The following FBXO4 variants were observed in gnomAD, a reference collection of about 807,000 sequenced individuals.
FBXO4 encodes the protein F-box only protein 4.
A neutral mutation model predicts 43.7 loss-of-function variants in FBXO4; 36 were observed. That is an observed-to-expected ratio of 0.82 (90% CI 0.63 to 1.09). FBXO4 has a LOEUF of 1.09. FBXO4 is among the 50% of genes least tolerant of loss of function. The pLI is 0.00. For synonymous variants in FBXO4, 180 were observed against 165.6 expected, an observed-to-expected ratio of 1.09 and a Z score of -0.67; for missense variants, 435 against 474.1, an observed-to-expected ratio of 0.92 and a Z score of 0.77.
At chr5:41,988,710 G>A in the FBXO4 span, among the ~76,000 whole-genome samples, 2 of 152,098 alleles carry the variant, frequency 1.3e-5, no homozygotes, top group Admixed American at 1.3e-4. Flanking sequence ...GGGTGTAGCA[G>A]TTTGCTCTAT....
At chr5:42,020,333 T>C in the FBXO4 span, among the ~76,000 whole-genome samples, 1 of 152,180 alleles carries the variant, frequency 6.6e-6, no homozygotes, top group South Asian at 2.1e-4. Flanking sequence ...TTATTTAACA[T>C]TTATTCAACA....
At chr5:41,956,647 AT>A in the FBXO4 span, among the ~76,000 whole-genome samples, 1 of 143,576 alleles carries the variant, frequency 7.0e-6, no homozygotes, top group South Asian at 2.3e-4. Context: ...GTTTCTTACA[AT>A]TTTTTTTCTG....
At chr5:42,021,074 A>C in the FBXO4 span, among the ~76,000 whole-genome samples, 1 of 152,166 alleles carries the variant, frequency 6.6e-6, no homozygotes, top group African/African-American at 2.4e-5. Flanking sequence ...ACAACTAGGC[A>C]TTATGATTTT....
At chr5:41,987,574 T>C in the FBXO4 span, among the ~76,000 whole-genome samples, 1 of 152,200 alleles carries the variant, frequency 6.6e-6, no homozygotes, top group Non-Finnish European at 1.5e-5. Context: ...TCCTGAAATT[T>C]ACACAAGCCT....
chr5:41,972,592 C>T, the FBXO4 span, among the ~76,000 whole-genome samples: 1 of 151,840 alleles, frequency 6.6e-6, no homozygotes, highest in East Asian at 1.9e-4. Flanking sequence ...CATATGGAAC[C>T]AAAAAAATAA....
At chr5:42,034,175 T>TCTGTTCATATCCTTTGC in the FBXO4 span, among the ~76,000 whole-genome samples, 1 of 152,210 alleles carries the variant, frequency 6.6e-6, no homozygotes, top group Admixed American at 6.5e-5. Context: ...TTGAGAAGTG[T>TCTGTTCATATCCTTTGC]CTGTTCATAT....
the FBXO4 span, chr5:41,951,712 G>A: frequency 4.6e-6 from 1 of 219,106 alleles, no homozygotes; most frequent in East Asian, 1.5e-4. Context: ...TGTTGCATGG[G>A]GTGGCAATGT....
chr5:41,926,191 C>T (rs535188059), intron 1 of FBXO4, among the ~76,000 whole-genome samples: 2 of 152,298 alleles, frequency 1.3e-5, no homozygotes, highest in African/African-American at 4.8e-5. Context: ...TGTATATCAA[C>T]GTGAAAGCTG....
chr5:41,937,654 T>G (rs1394834480), intron 5 of FBXO4, among the ~76,000 whole-genome samples: 2 of 152,206 alleles, frequency 1.3e-5, no homozygotes, highest in African/African-American at 4.8e-5. Flanking sequence ...AAATGAATTT[T>G]TAAAGAACAG....
At chr5:42,010,417 A>G in the FBXO4 span, among the ~76,000 whole-genome samples, 1 of 151,888 alleles carries the variant, frequency 6.6e-6, no homozygotes, top group Admixed American at 6.6e-5. Context: ...CTGAGGCAGG[A>G]GAATAACTTG....
chr5:41,973,060 A>C, the FBXO4 span, among the ~76,000 whole-genome samples: 1 of 152,234 alleles, frequency 6.6e-6, no homozygotes, highest in Non-Finnish European at 1.5e-5. Context: ...ACAAAACCAA[A>C]AGTTGACAAG....
chr5:41,993,204 A>T, the FBXO4 span, among the ~76,000 whole-genome samples: 3 of 151,784 alleles, frequency 2.0e-5, no homozygotes, highest in South Asian at 6.2e-4. Flanking sequence ...AATATACAAA[A>T]CTCTTCTTCA....
Position 41,934,199 on chromosome 5 carries a change from T to G in FBXO4, c.789T>G (p.Asn263Lys). The stretch of plus-strand genomic sequence containing the variant: ...TTAACAAGATGTTCAGTCGACACAA[T>G]GAAGGTGATGATCAACAAGGAAGCC... ...SAVNKMFSRH[N>K]EGDDQQGSRY... Residue 263 changes from asparagine (N) to lysine (K), a missense_variant, in exon 5 of 7, where the codon AAT becomes AAG. Physicochemically the swap from Asn to Lys is moderately conservative, Grantham distance 94. Coordinates refer to ENST00000281623, the MANE Select transcript of FBXO4 (RefSeq NM_012176.3). 1 of 1,614,078 alleles carries G rather than the reference T, an allele frequency of 6.2e-7. No individual in the cohort carries two copies. The highest frequency in any genetic ancestry group is 8.5e-7 in the Non-Finnish European group (1 of 1,179,978).
chr5:42,029,097 A>C, the FBXO4 span, among the ~76,000 whole-genome samples: 2 of 151,798 alleles, frequency 1.3e-5, no homozygotes, highest in African/African-American at 4.8e-5. Flanking sequence ...TTATTGAAGT[A>C]CTCCCTTTGG....
intron 5 of FBXO4, 133 bp from the exon 6 acceptor site, chr5:41,939,308 G>A: frequency 4.0e-6 from 3 of 742,550 alleles, no homozygotes; most frequent in South Asian, 4.2e-5. Flanking sequence ...GAAGAGTACT[G>A]TGATTTTTTT....
At chr5:41,963,156 T>A in the FBXO4 span, among the ~76,000 whole-genome samples, 1 of 152,078 alleles carries the variant, frequency 6.6e-6, no homozygotes, top group Admixed American at 6.6e-5. Context: ...ATATAAATGA[T>A]CATTTTTCTC....
At chr5:42,027,337 C>T in the FBXO4 span, among the ~76,000 whole-genome samples, 1 of 147,960 alleles carries the variant, frequency 6.8e-6, no homozygotes, top group African/African-American at 2.5e-5. Context: ...TATGAGCATA[C>T]AGTTGCTCAT....
At chr5:41,951,406 G>A in the FBXO4 span, 1 of 235,146 alleles carries the variant, frequency 4.3e-6, no homozygotes, top group Non-Finnish European at 8.3e-6. Flanking sequence ...GTGTTCAGTA[G>A]GTAACTGCTG....
the FBXO4 span, among the ~76,000 whole-genome samples, chr5:41,969,519 T>C: frequency 2.0e-5 from 3 of 152,182 alleles, no homozygotes; most frequent in Non-Finnish European, 4.4e-5. Context: ...AGGTAATCCA[T>C]ACTATAATAT....
Sources: gnomAD v4.1 joint callset for allele counts (sites outside exome capture counted in the v4.1 genomes callset) on GRCh38, gnomAD v4.1.1 for gene constraint, MANE v1.5 for transcripts, NCBI Gene and HGNC (gene_info 2026-07-23, HGNC 2026-07-21) for gene names.